AATK: variants seen among roughly 807,000 people sequenced by gnomAD.
AATK encodes serine/threonine-protein kinase LMTK1.
In AATK, 91 loss-of-function variants were observed where a neutral mutation model predicts 114.3. That is an observed-to-expected ratio of 0.80 (90% confidence interval 0.67 to 0.95). The LOEUF is 0.95. Among genes scored for constraint, AATK ranks in the 40% least tolerant of loss-of-function variants. AATK has a pLI of 0.00. For synonymous variants in AATK, 1,075 were observed against 916.5 expected, an observed-to-expected ratio of 1.17 and a Z score of -3.12; for missense variants, 2,176 against 1,965.2, an observed-to-expected ratio of 1.11 and a Z score of -2.03.
chr17:81,151,225 G>C (rs1399733144), intron 1 of AATK, among the ~76,000 whole-genome samples: 2 of 152,030 alleles, frequency 1.3e-5, no homozygotes, highest in African/African-American at 2.4e-5. Context: ...TCCAGGTGGA[G>C]ACACGGAAGC....
intron 13 of AATK, among the ~76,000 whole-genome samples, chr17:81,119,140 C>CCAGGTGAGGGTCAGGTGAGGGT (rs1195809085): frequency 3.8e-4 from 49 of 130,548 alleles, no homozygotes; most frequent in African/African-American, 1.3e-3. Context: ...CAGGTGAGGG[C>CCAGGTGAGGGTCAGGTGAGGGT]CAGGTGAGGG....
In AATK at chr17:81,128,930, C is replaced by T. The variant is rs559091192; in HGVS notation, c.335-381G>A. On this transcript the variant is annotated intron_variant, in intron 3 of 13. Coordinates refer to ENST00000326724, the MANE Select transcript of AATK (RefSeq NM_001080395.3). ...CCACGGCACAGAGAGGGCACTGGAG[C>T]GGCCCACCCCCACCCTGCCGCAGGC... 9 of 1,108,192 alleles carry T rather than the reference C, an allele frequency of 8.1e-6. No individual in the cohort carries two copies. In the Admixed American group the frequency reaches 2.5e-4, roughly 31 times the overall value. 68.6% of individuals were successfully genotyped at this position (1,108,192 alleles called of 1,614,324 possible). A position where few individuals can be genotyped will look rare whatever the true frequency, so the allele number is the denominator to read the frequency against.
At chr17:81,133,931 G>T (rs1427210275) in intron 2 of AATK, among the ~76,000 whole-genome samples, 1 of 152,168 alleles carries the variant, frequency 6.6e-6, no homozygotes, top group Non-Finnish European at 1.5e-5. Context: ...AGCTTGTCTG[G>T]GCAGCCCGGA....
intron 1 of AATK, among the ~76,000 whole-genome samples, chr17:81,162,181 G>A (rs189990148): frequency 6.6e-5 from 10 of 152,038 alleles, no homozygotes; most frequent in Admixed American, 2.6e-4. Flanking sequence ...GCGTGTGACC[G>A]CTCCCCAAGG....
chr17:81,140,879 C>T (rs1169525305), intron 1 of AATK, among the ~76,000 whole-genome samples: 4 of 125,916 alleles, frequency 3.2e-5, no homozygotes, highest in African/African-American at 6.5e-5. Flanking sequence ...GCCGTGGGGC[C>T]GTGGGGACCG....
intron 1 of AATK, among the ~76,000 whole-genome samples, chr17:81,154,190 C>T (rs1239878159): frequency 1.4e-4 from 21 of 152,194 alleles, no homozygotes; most frequent in Admixed American, 1.4e-3. Context: ...TCGAAACGCA[C>T]AGCCTCACCA....
intron 1 of AATK, among the ~76,000 whole-genome samples, chr17:81,151,665 A>C (rs990812662): frequency 6.6e-6 from 1 of 152,162 alleles, no homozygotes; most frequent in African/African-American, 2.4e-5. Context: ...ATAATCCCAA[A>C]AGACACCGTC....
intron 1 of AATK, among the ~76,000 whole-genome samples, chr17:81,144,168 CA>C (rs1273524506): frequency 5.9e-5 from 9 of 152,244 alleles, no homozygotes; most frequent in African/African-American, 1.9e-4. Flanking sequence ...CAGCCTCTTT[CA>C]CCTTTTGTGG....
intron 1 of AATK, among the ~76,000 whole-genome samples, chr17:81,150,614 A>G (rs555017364): frequency 1.3e-5 from 2 of 152,118 alleles, no homozygotes; most frequent in East Asian, 3.9e-4. Flanking sequence ...CACTGCTCAC[A>G]CCATGAAGAG....
chr17:81,122,117 A>AG lies in AATK; in HGVS notation c.1818dup (p.Ser607LeufsTer57). The AG allele has an allele frequency of 6.4e-7, 1 of 1,556,892 alleles. No homozygotes were observed. The highest frequency in any genetic ancestry group is 8.6e-7 in the Non-Finnish European group (1 of 1,156,106). On this transcript the variant is annotated frameshift_variant, in exon 11 of 14. Coordinates refer to ENST00000326724, the MANE Select transcript of AATK (RefSeq NM_001080395.3). LOFTEE classifies it high-confidence loss of function. ...CCCGCCGAGGGCGAGGGAGAGCGTG[A>AG]GGGGCAGAGCGGGTCCCGCGCCAAG...
chr17:81,131,325 C>G, intron 2 of AATK, 120 bp from the exon 3 acceptor site: 1 of 1,351,820 alleles, frequency 7.4e-7, no homozygotes. Flanking sequence ...AGGGGGTGCT[C>G]GGCCCAGAGT....
At chr17:81,139,461 C>T (rs1416771970) in intron 1 of AATK, among the ~76,000 whole-genome samples, 1 of 108,616 alleles carries the variant, frequency 9.2e-6, no homozygotes, top group Non-Finnish European at 2.0e-5. Flanking sequence ...TCTGAAACTT[C>T]TTGAAAGCCC....
intron 1 of AATK, among the ~76,000 whole-genome samples, chr17:81,147,110 C>T (rs1350036305): frequency 6.6e-6 from 1 of 151,538 alleles, no homozygotes; most frequent in African/African-American, 2.4e-5. Context: ...CGCCTGTAAT[C>T]TCAGCACTCT....
chr17:81,145,696 G>T (rs561138581), intron 1 of AATK, among the ~76,000 whole-genome samples: 1 of 129,610 alleles, frequency 7.7e-6, no homozygotes, highest in Non-Finnish European at 1.5e-5. Flanking sequence ...TCGTGCCATT[G>T]CACTCCAGCC....
In AATK at chr17:81,123,330, T is replaced by C; in HGVS notation, c.976A>G (p.Thr326Ala). 2 of 1,378,728 alleles carry C rather than the reference T, an allele frequency of 1.5e-6. No homozygotes were observed. The highest frequency in any genetic ancestry group is 1.7e-5 in the South Asian group (1 of 59,276). The allele number at this position is 1,378,728 out of a possible 1,614,324, so 85.4% of individuals were successfully genotyped here. ...CCCAGCTCAAAGAGCTCCCAGATGG[T>C]CACGCCCAGGGACCTGTGGGGCGAC... ...KSGNVWSLGV[T>A]IWELFELGTQ... The change falls in exon 10 of 14, where the codon ACC becomes GCC. Residue 326 changes from threonine to alanine, a missense_variant. Around this residue, in one of 4 missense-constraint regions of AATK, gnomAD observed 273 missense variants for 344.1 expected, o/e 0.79. Coordinates refer to ENST00000326724, the MANE Select transcript of AATK (RefSeq NM_001080395.3).
At chr17:81,131,318 G>T in intron 2 of AATK, 113 bp from the exon 3 acceptor site, 1 of 1,383,116 alleles carries the variant, frequency 7.2e-7, no homozygotes, top group Non-Finnish European at 9.5e-7. Flanking sequence ...GGGCAGGAGG[G>T]GGTGCTCGGC....
intron 4 of AATK, 77 bp from the exon 5 acceptor site, chr17:81,127,987 C>T (rs2060870707): frequency 1.3e-6 from 2 of 1,511,880 alleles, no homozygotes; most frequent in Non-Finnish European, 8.9e-7. Flanking sequence ...CTTCTCCCAC[C>T]CGCCCCACGC....
At chr17:81,164,060 G>C (rs1332043005) in intron 1 of AATK, among the ~76,000 whole-genome samples, 2 of 152,232 alleles carry the variant, frequency 1.3e-5, no homozygotes, top group Non-Finnish European at 2.9e-5. Flanking sequence ...TAGGAAGCTT[G>C]GGCCCTGGGG....
intron 1 of AATK, among the ~76,000 whole-genome samples, chr17:81,147,500 C>T (rs1383335455): frequency 6.6e-6 from 1 of 152,126 alleles, no homozygotes; most frequent in African/African-American, 2.4e-5. Flanking sequence ...AGGTGGCTAA[C>T]ATCTGTAATC....
Sources: allele counts gnomAD v4.1 joint callset (sites outside exome capture counted in the v4.1 genomes callset), GRCh38; gene constraint gnomAD v4.1.1; regional missense constraint gnomAD v4.1.1; transcripts MANE v1.5; gene names NCBI Gene and HGNC (gene_info 2026-07-23, HGNC 2026-07-21).